Variants in RBFOX1 observed in about 807,000 individuals in gnomAD.
RBFOX1 encodes the protein RNA binding protein fox-1 homolog 1.
RBFOX1 carries 8 observed loss-of-function variants against 57.7 expected under a neutral mutation model. That is an observed-to-expected ratio of 0.14 (90% CI 0.08 to 0.25). RBFOX1 has a LOEUF of 0.25. Ranked by LOEUF, RBFOX1 falls within the 10% of genes least tolerant of loss-of-function variation. The probability of loss-of-function intolerance (pLI) is 1.00; values close to 1 mark genes in which losing one functional copy is unlikely to be tolerated. For synonymous variants in RBFOX1, 326 were observed against 222.4 expected (o/e 1.47, Z -4.15); for missense variants, 611 against 548.5 (o/e 1.11, Z -1.14).
chr16:6,226,075 C>T (rs2097414877), intron 1 of RBFOX1, among the ~76,000 whole-genome samples: 1 of 151,704 alleles, frequency 6.6e-6, no homozygotes, highest in South Asian at 2.1e-4. Flanking sequence ...TTAGTATTTC[C>T]CAGGCCTGGT....
intron 3 of RBFOX1, among the ~76,000 whole-genome samples, chr16:6,876,931 T>A (rs975443349): frequency 9.2e-5 from 14 of 152,218 alleles, no homozygotes; most frequent in Non-Finnish European, 1.6e-4. Flanking sequence ...CTGACCTTTT[T>A]TCAAGTTTCT....
At chr16:6,943,642 A>G (rs1187350078) in intron 3 of RBFOX1, among the ~76,000 whole-genome samples, 1 of 150,638 alleles carries the variant, frequency 6.6e-6, no homozygotes, top group African/African-American at 2.5e-5. Context: ...CGGGAGGCGG[A>G]GCTTGCAGTG....
At chr16:6,388,339 A>T (rs1050990765) in intron 2 of RBFOX1, among the ~76,000 whole-genome samples, 1 of 152,066 alleles carries the variant, frequency 6.6e-6, no homozygotes, top group African/African-American at 2.4e-5. Context: ...CCATTTTGGC[A>T]CCATGTGGAG....
At chr16:6,827,706 C>G (rs1457251551) in intron 3 of RBFOX1, among the ~76,000 whole-genome samples, 6 of 152,150 alleles carry the variant, frequency 3.9e-5, no homozygotes, top group African/African-American at 1.2e-4. Flanking sequence ...TCTCTCCGTC[C>G]CATGGTTGTT....
At chr16:7,139,210 T>TGTA (rs1567416667) in intron 4 of RBFOX1, among the ~76,000 whole-genome samples, 1 of 96,096 alleles carries the variant, frequency 1.0e-5, no homozygotes, top group Non-Finnish European at 2.1e-5. Flanking sequence ...GTGTGTGTGT[T>TGTA]TGTGTGTGTG....
chr16:6,247,913 A>G (rs1464859887), intron 1 of RBFOX1, among the ~76,000 whole-genome samples: 1 of 151,798 alleles, frequency 6.6e-6, no homozygotes, highest in East Asian at 1.9e-4. Flanking sequence ...AGATGGCAGA[A>G]CATTCCAACA....
intron 3 of RBFOX1, among the ~76,000 whole-genome samples, chr16:6,957,099 T>A (rs1403843205): frequency 1.5e-5 from 2 of 136,014 alleles, no homozygotes; most frequent in Admixed American, 7.3e-5. Context: ...TTATTTATTT[T>A]ATTTTTTTAT....
At chr16:6,342,511 G>T (rs2084718826) in intron 2 of RBFOX1, among the ~76,000 whole-genome samples, 1 of 152,036 alleles carries the variant, frequency 6.6e-6, no homozygotes, top group African/African-American at 2.4e-5. Flanking sequence ...TAAATTTAAA[G>T]ATGTGCACAG....
intron 3 of RBFOX1, among the ~76,000 whole-genome samples, chr16:6,811,146 C>T (rs1002677574): frequency 6.6e-6 from 1 of 152,014 alleles, no homozygotes; most frequent in African/African-American, 2.4e-5. Flanking sequence ...TCTAAGGCCT[C>T]CAATTCTGAA....
chr16:7,490,009 G>A lies in RBFOX1; in HGVS notation c.28-28138G>A, dbSNP rs115701752. ...TCTCTCCAAAATGCTCCTTTTGAATGGACAGAAAGGTAGACCTGTGTCTCC... is the reference window on the plus strand; with the variant it reads ...TCTCTCCAAAATGCTCCTTTTGAATAGACAGAAAGGTAGACCTGTGTCTCC... On this transcript the variant is annotated intron_variant, in intron 4 of 15. Coordinates refer to ENST00000550418, the MANE Select transcript of RBFOX1 (RefSeq NM_018723.4). Among the ~76,000 whole-genome samples, 230 of 152,168 alleles carry A rather than the reference G, an allele frequency of 1.5e-3. 1 individual carries two copies. The highest frequency in any genetic ancestry group is 5.3e-3 in the African/African-American group (222 of 41,512).
chr16:6,651,928 C>A (rs1380640269), intron 2 of RBFOX1, among the ~76,000 whole-genome samples: 1 of 152,126 alleles, frequency 6.6e-6, no homozygotes, highest in Non-Finnish European at 1.5e-5. Context: ...CATGGATGAA[C>A]CTTGAAGACA....
chr16:6,480,081 A>T (rs139052208), intron 2 of RBFOX1, among the ~76,000 whole-genome samples: 106 of 151,540 alleles, frequency 7.0e-4, no homozygotes, highest in Non-Finnish European at 1.2e-3. Flanking sequence ...ACTGGTCTAG[A>T]AAAATGGGAC....
chr16:6,595,499 G>C (rs1427013840), intron 2 of RBFOX1, among the ~76,000 whole-genome samples: 1 of 152,100 alleles, frequency 6.6e-6, no homozygotes, highest in African/African-American at 2.4e-5. Context: ...TCAGCTATTA[G>C]AAACAATGCT....
Position 7,200,490 on chromosome 16 carries a change from A to G in RBFOX1, c.27+148392A>G, listed in dbSNP as rs1403779025. The stretch of plus-strand genomic sequence containing the variant: ...CTGTCAGACACTGCAGTAGGCACTA[A>G]GGATGATGTTGCAATATACCCCACA... On this transcript the variant is annotated intron_variant, in intron 4 of 15. Coordinates refer to ENST00000550418, the MANE Select transcript of RBFOX1 (RefSeq NM_018723.4). Among the ~76,000 whole-genome samples, 9 of 152,240 alleles carry G rather than the reference A, an allele frequency of 5.9e-5. No homozygotes were observed. The East Asian group carries it at 1.7e-3, about 29-fold the overall frequency.
chr16:6,134,938 G>A (rs1468336037), intron 1 of RBFOX1, among the ~76,000 whole-genome samples: 1 of 152,042 alleles, frequency 6.6e-6, no homozygotes, highest in Non-Finnish European at 1.5e-5. Context: ...TTGGTGTGCT[G>A]CACCCATTAA....
chr16:7,231,344 G>A (rs920886902), intron 4 of RBFOX1, among the ~76,000 whole-genome samples: 12 of 152,228 alleles, frequency 7.9e-5, no homozygotes, highest in East Asian at 1.9e-4. Flanking sequence ...TATCGTTCAC[G>A]TGACTAAACT....
At chr16:5,908,336 GTGTGTGTGTGTGTGTGTC>G (rs1463736119) in intron 4 of RBFOX1, among the ~76,000 whole-genome samples, 7 of 131,556 alleles carry the variant, frequency 5.3e-5, no homozygotes, top group Admixed American at 3.3e-4. Context: ...ATATATATGT[GTGTGTGTGTGTGTGTGTC>G]TGTGTGTGTT....
intron 3 of RBFOX1, among the ~76,000 whole-genome samples, chr16:5,786,698 T>C (rs1353894097): frequency 6.6e-6 from 1 of 152,212 alleles, no homozygotes; most frequent in East Asian, 1.9e-4. Flanking sequence ...GCCTCTTTCC[T>C]GCTTTCACCA....
chr16:6,329,224 A>G (rs1031591070), intron 2 of RBFOX1, among the ~76,000 whole-genome samples: 2 of 152,208 alleles, frequency 1.3e-5, no homozygotes, highest in African/African-American at 4.8e-5. Flanking sequence ...AACAGCTAAC[A>G]TGGTGGAAGT....
Sources: allele counts gnomAD v4.1 joint callset (sites outside exome capture counted in the v4.1 genomes callset), GRCh38; gene constraint gnomAD v4.1.1; transcripts MANE v1.5; gene names NCBI Gene and HGNC (gene_info 2026-07-23, HGNC 2026-07-21).